The following SLC35F6 variants were observed in gnomAD, a reference collection of about 807,000 sequenced individuals.
SLC35F6 encodes the protein ANT2-binding protein.
A neutral mutation model predicts 29.4 loss-of-function variants in SLC35F6; 26 were observed. The ratio of observed to expected loss-of-function variants is 0.89; its 90% CI spans 0.65 to 1.23. SLC35F6 has a LOEUF of 1.23. Among genes scored for constraint, SLC35F6 ranks in the 50% most tolerant of loss-of-function variants. The pLI is 0.00. For missense variants in SLC35F6, 428 were observed against 487.8 expected, an observed-to-expected ratio of 0.88 and a Z score of 1.15; for synonymous variants, 174 against 206.6, an observed-to-expected ratio of 0.84 and a Z score of 1.35.
At chr2:26,770,891 C>T (rs916916073) in intron 1 of SLC35F6, among the ~76,000 whole-genome samples, 2 of 152,174 alleles carry the variant, frequency 1.3e-5, no homozygotes, top group African/African-American at 2.4e-5. Context: ...CGCCAGGAGT[C>T]GAAACCTGTC....
At chr2:26,771,636 T>G (rs1049104152) in intron 1 of SLC35F6, among the ~76,000 whole-genome samples, 1 of 152,204 alleles carries the variant, frequency 6.6e-6, no homozygotes, top group East Asian at 1.9e-4. Context: ...CCATGTCCTG[T>G]CCTGGCCAGG....
chr2:26,775,761 C>A lies in SLC35F6; in HGVS notation c.535+85C>A. On this transcript the variant is annotated intron_variant, in intron 4 of 5. Coordinates refer to ENST00000344420, the MANE Select transcript of SLC35F6 (RefSeq NM_017877.4). This position sits in a 1 kb window ranked among gnomAD's most constrained non-coding sequence, Gnocchi z 4.6. ...CAGCACAGACTCATACAAGCTCTGC[C>A]ATGTGCCATATACCAAGCCCTGGGT... is the stretch of plus-strand genomic sequence containing the variant. 1 of 1,412,084 alleles carries A rather than the reference C, an allele frequency of 7.1e-7. No individual in the cohort carries two copies. The highest frequency in any genetic ancestry group is 9.4e-7 in the Non-Finnish European group (1 of 1,064,342). The allele number at this position is 1,412,084 out of a possible 1,614,324, so 87.5% of individuals were successfully genotyped here.
intron 1 of SLC35F6, among the ~76,000 whole-genome samples, chr2:26,769,783 G>A (rs1329787207): frequency 2.0e-5 from 3 of 152,220 alleles, no homozygotes; most frequent in Non-Finnish European, 4.4e-5. Context: ...CCAAGGGGGA[G>A]ATGGCTTCTG....
intron 1 of SLC35F6, among the ~76,000 whole-genome samples, chr2:26,768,529 T>C (rs989068305): frequency 4.0e-5 from 6 of 151,828 alleles, no homozygotes; most frequent in African/African-American, 1.5e-4. Flanking sequence ...GCCCGGATAA[T>C]TTTTTTGTAT....
chr2:26,772,253 C>T (rs763323394), intron 1 of SLC35F6, among the ~76,000 whole-genome samples: 12 of 152,112 alleles, frequency 7.9e-5, no homozygotes, highest in Non-Finnish European at 1.3e-4. Context: ...GGGGGAGGTA[C>T]AGGAACCAGA....
At chr2:26,774,025 T>C (rs1415953053) in intron 1 of SLC35F6, among the ~76,000 whole-genome samples, 1 of 152,214 alleles carries the variant, frequency 6.6e-6, no homozygotes, top group Non-Finnish European at 1.5e-5. Flanking sequence ...AATGTGATCA[T>C]GAGAGTATCT....
intron 1 of SLC35F6, among the ~76,000 whole-genome samples, chr2:26,771,801 C>CT (rs953765046): frequency 1.3e-5 from 2 of 151,188 alleles, no homozygotes; most frequent in Non-Finnish European, 3.0e-5. Flanking sequence ...GACCCTCTCT[C>CT]TAAAAAAAAA....
chr2:26,774,128 G>T, intron 1 of SLC35F6, 123 bp from the exon 2 acceptor site: 1 of 1,027,360 alleles, frequency 9.7e-7, no homozygotes, highest in East Asian at 2.5e-5. Context: ...CCTTTGAGAG[G>T]GAGCCCCACT....
In SLC35F6 at chr2:26,774,132, C is replaced by T. The variant is rs1216811998; in HGVS notation, c.78-119C>T. The T allele has an allele frequency of 6.3e-6, 7 of 1,118,620 alleles. No individual in the cohort carries two copies. The African/African-American group carries it at 7.8e-5, about 12-fold the overall frequency. 69.3% of individuals were successfully genotyped at this position (1,118,620 alleles called of 1,614,324 possible). A position where few individuals can be genotyped will look rare whatever the true frequency, so the allele number is the denominator to read the frequency against. On this transcript the variant is annotated intron_variant, in intron 1 of 5. Coordinates refer to ENST00000344420, the MANE Select transcript of SLC35F6 (RefSeq NM_017877.4). ...GAAGACTGACCCCTTTGAGAGGGAG[C>T]CCCACTCTGGGGCCGGGTCACCCAG...
In SLC35F6 at chr2:26,778,386, G is replaced by A. The variant is rs1664343955; in HGVS notation, c.991G>A (p.Ala331Thr). 1 of 1,614,010 alleles carries A rather than the reference G, an allele frequency of 6.2e-7. No individual in the cohort carries two copies. ...CTTCCTCATACTCCTTATAGGCACT[G>A]CCCTCTACAATGGGCTACACCGTCC... ...LGFLILLIGT[A>T]LYNGLHRPLL... is the part of the protein sequence containing the mutation. The change falls in exon 6 of 6, where the codon GCC (alanine) becomes ACC (threonine). Residue 331 changes from alanine to threonine, a missense_variant. By Grantham distance (58) the Ala-to-Thr change is moderately conservative. Transcript: ENST00000344420.
At chr2:26,776,078 T>C (rs1664295005) in intron 4 of SLC35F6, among the ~76,000 whole-genome samples, 1 of 152,120 alleles carries the variant, frequency 6.6e-6, no homozygotes, top group Admixed American at 6.5e-5. Context: ...TCACTTAGGG[T>C]CAGGATCAAC....
chr2:26,770,176 A>G (rs1467971618), intron 1 of SLC35F6, among the ~76,000 whole-genome samples: 1 of 152,142 alleles, frequency 6.6e-6, no homozygotes. Context: ...AGGCTGAGGC[A>G]GGTCAATCTC....
intron 1 of SLC35F6, among the ~76,000 whole-genome samples, chr2:26,768,893 T>C (rs1664141475): frequency 6.6e-6 from 1 of 152,166 alleles, no homozygotes; most frequent in Non-Finnish European, 1.5e-5. Context: ...TCCACCTGCC[T>C]CAGCCTCCCA....
At chr2:26,769,797 A>G (rs1558617354) in intron 1 of SLC35F6, among the ~76,000 whole-genome samples, 1 of 152,186 alleles carries the variant, frequency 6.6e-6, no homozygotes, top group African/African-American at 2.4e-5. Flanking sequence ...GCTTCTGCTC[A>G]GTGAAGGGAA....
chr2:26,778,600 C>A lies in SLC35F6; in HGVS notation c.*89C>A. ...GCTGGTGGGCCCCGAATGCCCTATCCCCAAGGCCTCACCCTGTCCCCTCCC... is the reference window on the plus strand; with the variant it reads ...GCTGGTGGGCCCCGAATGCCCTATCACCAAGGCCTCACCCTGTCCCCTCCC... On this transcript the variant is annotated 3_prime_UTR_variant, in exon 6 of 6. Coordinates refer to ENST00000344420, the MANE Select transcript of SLC35F6 (RefSeq NM_017877.4). The A allele has an allele frequency of 7.8e-7, 1 of 1,281,198 alleles. No individual in the cohort carries two copies. Among genetic ancestry groups the A allele is most frequent in the South Asian group, 1.5e-5 (1 of 66,696 alleles). The allele number at this position is 1,281,198 out of a possible 1,614,324, so 79.4% of individuals were successfully genotyped here.
rs1664385662 is a variant in SLC35F6 at position 26,780,319 on chromosome 2, TG to T, written c.*1813del. The T allele has an allele frequency of 6.6e-6, 1 of 152,004 alleles. No homozygotes were observed. Among genetic ancestry groups the T allele is most frequent in the Non-Finnish European group, 1.5e-5 (1 of 67,980 alleles). The allele number at this position is 152,004 out of a possible 1,614,324, so 9.4% of individuals were successfully genotyped here. ...CCTACCCTCAGCTCCTGCAAGGACC[TG>T]GGGGACCCCCAGGTCCAGCAGCCAC... On this transcript the variant is annotated 3_prime_UTR_variant, in exon 6 of 6. Transcript: ENST00000344420.
At chr2:26,774,428 TC>T in intron 2 of SLC35F6, 105 bp downstream of exon 2, 1 of 1,267,566 alleles carries the variant, frequency 7.9e-7, no homozygotes, top group Non-Finnish European at 1.1e-6. Context: ...TGGAGGTGTC[TC>T]CTGCTCCCAG....
Position 26,775,622 on chromosome 2 carries a change from G to C in SLC35F6, c.481G>C (p.Ala161Pro). 1 of 1,603,954 alleles carries C rather than the reference G, an allele frequency of 6.2e-7. No individual in the cohort carries two copies. The highest frequency in any genetic ancestry group is 8.5e-7 in the Non-Finnish European group (1 of 1,177,756). Residue 161 changes from alanine (A) to proline (P), a missense_variant, in exon 4 of 6, where the codon GCT (alanine) becomes CCT (proline). By Grantham distance (27) the Ala-to-Pro change is conservative. Coordinates refer to ENST00000344420, the MANE Select transcript of SLC35F6 (RefSeq NM_017877.4). This position sits in a 1 kb window ranked among gnomAD's most constrained non-coding sequence, Gnocchi z 4.6. ...TIAGLVVVGL[A>P]DLLSKHDSQH... ...CGCGGGGCTGGTGGTCGTGGGCCTG[G>C]CTGACCTCCTGAGCAAGCACGACAG...
At chr2:26,774,145 C>A in intron 1 of SLC35F6, 106 bp from the exon 2 acceptor site, 1 of 1,340,934 alleles carries the variant, frequency 7.5e-7, no homozygotes, top group Non-Finnish European at 1.0e-6. Flanking sequence ...CACTCTGGGG[C>A]CGGGTCACCC....
Sources: allele counts gnomAD v4.1 joint callset (sites outside exome capture counted in the v4.1 genomes callset), GRCh38; gene constraint gnomAD v4.1.1; non-coding constraint Gnocchi (gnomAD v3.1); transcripts MANE v1.5; gene names NCBI Gene and HGNC (gene_info 2026-07-23, HGNC 2026-07-21).